ARHGEF10L: variants seen among roughly 807,000 people sequenced by gnomAD.
ARHGEF10L encodes rho guanine nucleotide exchange factor 10-like protein.
A neutral mutation model predicts 141.2 loss-of-function variants in ARHGEF10L; 69 were observed. The ratio of observed to expected loss-of-function variants is 0.49; its 90% confidence interval spans 0.40 to 0.60. ARHGEF10L has a LOEUF of 0.60. Among genes scored for constraint, ARHGEF10L ranks in the 20% least tolerant of loss-of-function variants. ARHGEF10L has a pLI of 0.00. For missense variants in ARHGEF10L, 1,482 were observed against 1,734.3 expected (o/e 0.85, Z 2.58); for synonymous variants, 711 against 718.5 (o/e 0.99, Z 0.17).
chr1:17,579,261 TC>T (rs999058277), intron 1 of ARHGEF10L, among the ~76,000 whole-genome samples: 9 of 151,936 alleles, frequency 5.9e-5, no homozygotes, highest in African/African-American at 1.7e-4. Context: ...CCTGAAGTGA[TC>T]CGCCCACCTC....
At chr1:17,518,760 C>T in the ARHGEF10L span, among the ~76,000 whole-genome samples, 1 of 137,458 alleles carries the variant, frequency 7.3e-6, no homozygotes, top group Admixed American at 7.9e-5. Context: ...CCAAGTGGAA[C>T]CCACTGCATT....
Position 17,624,464 on chromosome 1 carries a change from G to T in ARHGEF10L, c.1278G>T (p.Lys426Asn). The part of the protein sequence containing the change: ...NFTSAMSIIK[K>N]ACLTKPAFLE... ...CCAGTGCCATGTCCATCATCAAGAA[G>T]GCCTGCCTCACCAAGCCTGCCTTCC... Residue 426 changes from lysine to asparagine, a missense_variant, in exon 13 of 29, where the codon AAG becomes AAT. Around this residue, in one of 3 missense-constraint regions of ARHGEF10L, gnomAD observed 392 missense variants for 542.1 expected, o/e 0.72. Transcript: ENST00000361221. 6.2e-7 allele frequency: 1 copy of T among 1,614,238 alleles called. No individual in the cohort carries two copies. Among genetic ancestry groups the T allele is most frequent in the Non-Finnish European group, 8.5e-7 (1 of 1,180,038 alleles).
At chr1:17,690,557 T>C (rs2065027682) in intron 27 of ARHGEF10L, among the ~76,000 whole-genome samples, 1 of 152,258 alleles carries the variant, frequency 6.6e-6, no homozygotes, top group Admixed American at 6.5e-5. Flanking sequence ...GCTGCATCAG[T>C]GCAGACAGAG....
chr1:17,623,733 G>C lies in ARHGEF10L; in HGVS notation c.1200+558G>C, dbSNP rs576792329. Among the ~76,000 whole-genome samples the C allele has an allele frequency of 6.6e-6, 1 of 152,330 alleles. No individual in the cohort carries two copies. Among genetic ancestry groups the C allele is most frequent in the East Asian group, 1.9e-4 (1 of 5,182 alleles). On this transcript the variant is annotated intron_variant, in intron 12 of 28. Transcript: ENST00000361221. This position sits in a 1 kb window ranked among gnomAD's most constrained non-coding sequence, Gnocchi z 4.7. Reference sequence around the variant, plus strand: ...CTGGCTTTTCTAGCTGAAGTCTGCGGACCCCAGATGTTCATGGGGTGAGGG... The same window carrying C: ...CTGGCTTTTCTAGCTGAAGTCTGCGCACCCCAGATGTTCATGGGGTGAGGG...
chr1:17,599,977 G>T (rs1053072040), intron 4 of ARHGEF10L, among the ~76,000 whole-genome samples: 2 of 152,228 alleles, frequency 1.3e-5, no homozygotes, highest in Non-Finnish European at 2.9e-5. Context: ...CACCGGATAG[G>T]ACAGGCAGGA....
chr1:17,690,690 A>T (rs527721992), intron 27 of ARHGEF10L, among the ~76,000 whole-genome samples: 1 of 152,222 alleles, frequency 6.6e-6, no homozygotes, highest in East Asian at 1.9e-4. Flanking sequence ...AACTTTCCCA[A>T]TCAGTAACCC....
chr1:17,629,555 T>C (rs2060565664), intron 15 of ARHGEF10L, among the ~76,000 whole-genome samples: 1 of 152,106 alleles, frequency 6.6e-6, no homozygotes, highest in Admixed American at 6.5e-5. Context: ...CTGAGTTTAT[T>C]TTACCTGCTC....
In ARHGEF10L at chr1:17,616,168, CAA is replaced by C. The variant is rs1557831603; in HGVS notation, c.803_804del (p.Lys268SerfsTer12). 2 of 1,586,390 alleles carry C rather than the reference CAA, an allele frequency of 1.3e-6. No homozygotes were observed. The highest frequency in any genetic ancestry group is 1.1e-5 in the South Asian group (1 of 90,816). Reference sequence around the variant, plus strand: ...AGAAGACACGGATGGCCGTGATGCGCAAAGTCTCCTTCCTGCACAGGAAGGAC... The same window carrying C: ...AGAAGACACGGATGGCCGTGATGCGCAGTCTCCTTCCTGCACAGGAAGGAC... ...LEKTRMAVMR[K>X]VSFLHRKDVL... On this transcript the variant is annotated frameshift_variant, in exon 9 of 29. Transcript: ENST00000361221. LOFTEE classifies it high-confidence loss of function.
At chr1:17,576,001 G>T (rs958125014) in intron 1 of ARHGEF10L, among the ~76,000 whole-genome samples, 2 of 152,170 alleles carry the variant, frequency 1.3e-5, no homozygotes, top group African/African-American at 4.8e-5. Flanking sequence ...CAGCAGTCCA[G>T]CTGCTGCTTC....
At chr1:17,635,127 G>GGCCT in intron 18 of ARHGEF10L, 111 bp downstream of exon 18, 1 of 1,330,314 alleles carries the variant, frequency 7.5e-7, no homozygotes, top group Non-Finnish European at 1.0e-6. Context: ...TACATAGGCT[G>GGCCT]ATGGGTGGCT....
At position 17,619,244 on chromosome 1, in the gene ARHGEF10L, C is replaced by G. The variant is rs2059975387; in HGVS notation, c.836-95C>G. ...GCTGCTTGCACCCTAGGACCTGGGT[C>G]CAAGGCTGGTCTAGGGGGGCTCTCA... On this transcript the variant is annotated intron_variant, in intron 9 of 28. Transcript: ENST00000361221. The surrounding 1 kb of genome is among the most constrained non-coding windows in gnomAD (Gnocchi z 5.0). 1 of 1,262,280 alleles carries G rather than the reference C, an allele frequency of 7.9e-7. No homozygotes were observed. Among genetic ancestry groups the G allele is most frequent in the Admixed American group, 2.1e-5 (1 of 47,886 alleles). 78.2% of individuals were successfully genotyped at this position (1,262,280 alleles called of 1,614,324 possible).
At chr1:17,557,002 A>C (rs1419773686) in intron 1 of ARHGEF10L, among the ~76,000 whole-genome samples, 2 of 151,104 alleles carry the variant, frequency 1.3e-5, no homozygotes, top group Non-Finnish European at 2.9e-5. Context: ...ACTGCCCTCC[A>C]GTTCGGACAA....
the ARHGEF10L span, among the ~76,000 whole-genome samples, chr1:17,528,868 A>T: frequency 6.6e-6 from 1 of 152,098 alleles, no homozygotes; most frequent in Admixed American, 6.6e-5. Context: ...TCATGGGATT[A>T]TTGTGTTTCC....
Position 17,602,192 on chromosome 1 carries a change from G to A in ARHGEF10L, c.323G>A (p.Ser108Asn). Residue 108 changes from serine (S) to asparagine (N), a missense_variant, in exon 5 of 29, where the codon AGC becomes AAC. Physicochemically the swap from Ser to Asn is conservative, Grantham distance 46. Transcript: ENST00000361221. The stretch of plus-strand genomic sequence containing the variant: ...GCCTTCTCCGGGGCCCGGCACTCCA[G>A]CTGGAAGCGGAAGAGTTCCCGTCGC... Reference protein sequence around the residue: ...DAAFSGARHSSWKRKSSRRID... With the variant: ...DAAFSGARHSNWKRKSSRRID... 6.3e-7 allele frequency: 1 copy of A among 1,578,844 alleles called. No individual in the cohort carries two copies. Among genetic ancestry groups the A allele is most frequent in the Non-Finnish European group, 8.6e-7 (1 of 1,162,166 alleles).
intron 25 of ARHGEF10L, 46 bp from the exon 26 acceptor site, chr1:17,664,401 G>C (rs748325919): frequency 6.3e-7 from 1 of 1,581,722 alleles, no homozygotes; most frequent in Admixed American, 1.7e-5. Context: ...CAGGAGACCT[G>C]CTTGCCGCTC....
chr1:17,696,745 C>T (rs1246153529), intron 28 of ARHGEF10L, 103 bp from the exon 29 acceptor site: 1 of 1,267,376 alleles, frequency 7.9e-7, no homozygotes, highest in Non-Finnish European at 1.1e-6. Flanking sequence ...GAAGTGACCC[C>T]CCCAAATACC....
chr1:17,638,717 G>A (rs1486249523), intron 20 of ARHGEF10L, 28 bp downstream of exon 20: 2 of 1,612,362 alleles, frequency 1.2e-6, no homozygotes, highest in African/African-American at 1.3e-5. Flanking sequence ...TGGAGGGAGG[G>A]CTGCTGCCTC....
At chr1:17,574,175 G>T (rs2078127099) in intron 1 of ARHGEF10L, among the ~76,000 whole-genome samples, 1 of 151,978 alleles carries the variant, frequency 6.6e-6, no homozygotes, top group South Asian at 2.1e-4. Flanking sequence ...CAGGCTGAGG[G>T]TCCTGCCCTC....
chr1:17,625,900 G>A lies in ARHGEF10L; in HGVS notation c.1318-56G>A, dbSNP rs2060355403. ...AATGGGGACAGTGTCTGGACTCTGG[G>A]GCACTGGGCCCTCTCTGCAGGGGGT... On this transcript the variant is annotated intron_variant, in intron 13 of 28. Transcript: ENST00000361221. The surrounding 1 kb of genome is among the most constrained non-coding windows in gnomAD (Gnocchi z 4.5). 1 of 1,491,886 alleles carries A rather than the reference G, an allele frequency of 6.7e-7. No homozygotes were observed. Among genetic ancestry groups the A allele is most frequent in the East Asian group, 2.3e-5 (1 of 44,232 alleles). The allele number at this position is 1,491,886 out of a possible 1,614,324, so 92.4% of individuals were successfully genotyped here.
Sources: allele counts gnomAD v4.1 joint callset (sites outside exome capture counted in the v4.1 genomes callset), GRCh38; gene constraint gnomAD v4.1.1; regional missense constraint gnomAD v4.1.1; non-coding constraint Gnocchi (gnomAD v3.1); transcripts MANE v1.5; gene names NCBI Gene and HGNC (gene_info 2026-07-23, HGNC 2026-07-21).